The following KIF1A variants were observed in gnomAD, a reference collection of about 807,000 sequenced individuals.
KIF1A encodes kinesin family member 1A.
A neutral mutation model predicts 227.3 loss-of-function variants in KIF1A; 46 were observed. The observed-to-expected ratio is 0.20, with a 90% CI of 0.16 to 0.26. KIF1A has a LOEUF of 0.26. KIF1A is among the 10% of genes least tolerant of loss of function. The pLI is 1.00. For missense variants in KIF1A, 1,683 were observed against 2,485.9 expected, an observed-to-expected ratio of 0.68 and a Z score of 6.87; for synonymous variants, 1,022 against 1,012.8, an observed-to-expected ratio of 1.01 and a Z score of -0.17.
At chr2:240,742,596 G>A (rs533575178) in intron 34 of KIF1A, among the ~76,000 whole-genome samples, 1 of 152,082 alleles carries the variant, frequency 6.6e-6, no homozygotes, top group African/African-American at 2.4e-5. Context: ...CCGTGAAGGA[G>A]CGTCCTAGAT....
chr2:240,795,743 G>T (rs547342131), intron 2 of KIF1A, among the ~76,000 whole-genome samples: 2 of 152,188 alleles, frequency 1.3e-5, no homozygotes, highest in African/African-American at 4.8e-5. Flanking sequence ...GGTGCCACTC[G>T]CCCACCCTGG....
At position 240,743,965 on chromosome 2, in the gene KIF1A, C is replaced by T. The variant is rs375702153; in HGVS notation, c.3561G>A (p.Pro1187=). 48 of 1,613,176 alleles carry T rather than the reference C, an allele frequency of 3.0e-5. No homozygotes were observed. In the East Asian group the frequency reaches 6.7e-4, roughly 22 times the overall value. ...ACCTGAGCACGTCCTTGCAGAGGGG[C>T]GGGAACGGGTGCTGCTGGTAGTGGC... ...VFGHYQQHPF[P]PLCKDVLSPL... The change falls in exon 33 of 49, where the codon CCG becomes CCA. Residue 1187 remains proline, a synonymous_variant. Transcript: ENST00000498729.
chr2:240,734,972 C>A (rs913621354), intron 38 of KIF1A, among the ~76,000 whole-genome samples: 3 of 152,144 alleles, frequency 2.0e-5, no homozygotes, highest in Non-Finnish European at 4.4e-5. Flanking sequence ...AGCCTCCGCA[C>A]GTCAGGGAGA....
In KIF1A at chr2:240,720,897, G is replaced by T; in HGVS notation, c.4868+17C>A. On this transcript the variant is annotated intron_variant, in intron 45 of 48. Transcript: ENST00000498729. ...CGTGGTGCCAGAAGCCACTCCGGGAGCCTGGAGCTCACTCACCTCAGGTCA... is the reference window on the plus strand; with the variant it reads ...CGTGGTGCCAGAAGCCACTCCGGGATCCTGGAGCTCACTCACCTCAGGTCA... 6.5e-7 allele frequency: 1 copy of T among 1,545,956 alleles called. No homozygotes were observed. Among genetic ancestry groups the T allele is most frequent in the Non-Finnish European group, 8.8e-7 (1 of 1,139,662 alleles).
chr2:240,722,785 G>A, intron 42 of KIF1A, 129 bp from the exon 43 acceptor site: 1 of 700,564 alleles, frequency 1.4e-6, no homozygotes, highest in Non-Finnish European at 2.3e-6. Context: ...GGCTAAGACT[G>A]AAGACTGACA....
rs551660996 is a variant in KIF1A at position 240,750,367 on chromosome 2, G to A, written c.2977+62C>T. 16 of 1,289,638 alleles carry A rather than the reference G, an allele frequency of 1.2e-5. No individual in the cohort carries two copies. The South Asian group carries it at 1.6e-4, about 13-fold the overall frequency. 79.9% of individuals were successfully genotyped at this position (1,289,638 alleles called of 1,614,324 possible). The stretch of plus-strand genomic sequence containing the variant: ...CCTTCTTGGGCCCACGCCTCTGCCT[G>A]CAAAGGTCAGAGCCAGCCCCAGGGG... On this transcript the variant is annotated intron_variant, in intron 28 of 48. Transcript: ENST00000498729.
chr2:240,738,893 G>A (rs2047650300), intron 37 of KIF1A, among the ~76,000 whole-genome samples: 1 of 152,214 alleles, frequency 6.6e-6, no homozygotes, highest in African/African-American at 2.4e-5. Flanking sequence ...CAGAATGTGA[G>A]GGCAGTGCTG....
intron 32 of KIF1A, 140 bp from the exon 33 acceptor site, chr2:240,744,200 A>T (rs2048329081): frequency 3.1e-6 from 2 of 640,770 alleles, no homozygotes; most frequent in Non-Finnish European, 2.8e-6. Context: ...CAGGGGCAGC[A>T]GCCTCCTCTA....
At chr2:240,784,505 A>G (rs973172797) in intron 7 of KIF1A, among the ~76,000 whole-genome samples, 2 of 152,192 alleles carry the variant, frequency 1.3e-5, no homozygotes, top group African/African-American at 2.4e-5. Flanking sequence ...AGTCCCGGTC[A>G]GGAGGATGTG....
rs890140452 is a variant in KIF1A at position 240,720,811 on chromosome 2, C to T, written c.4868+103G>A. ...CTGTGGCCACCCCAAGGCACTCGGC[C>T]ATTGGGGCCCCCTGTTCTGTGCTCT... On this transcript the variant is annotated intron_variant, in intron 45 of 48. Transcript: ENST00000498729. The T allele has an allele frequency of 2.3e-5, 32 of 1,391,880 alleles. No individual in the cohort carries two copies. The African/African-American group carries it at 4.1e-4, about 18-fold the overall frequency. 86.2% of individuals were successfully genotyped at this position (1,391,880 alleles called of 1,614,324 possible).
At chr2:240,800,964 G>C (rs1285458159) in intron 1 of KIF1A, among the ~76,000 whole-genome samples, 1 of 151,528 alleles carries the variant, frequency 6.6e-6, no homozygotes, top group East Asian at 2.0e-4. Context: ...CTGCCTGGGA[G>C]AGAAAATGGA....
At position 240,781,675 on chromosome 2, in the gene KIF1A, C is replaced by T. The variant is rs1445542017; in HGVS notation, c.882+915G>A. The T allele has an allele frequency of 9.9e-6, 8 of 811,646 alleles. No homozygotes were observed. In the East Asian group the frequency reaches 8.7e-4, roughly 88 times the overall value. The allele number at this position is 811,646 out of a possible 1,614,324, so 50.3% of individuals were successfully genotyped here. On this transcript the variant is annotated intron_variant, in intron 10 of 48. Coordinates refer to ENST00000498729, the MANE Select transcript of KIF1A (RefSeq NM_001244008.2). ...CCACACACAATTCCCCACGCAGGTC[C>T]TCCGTCTCCCGCAGTCCCACGCAGT...
chr2:240,809,777 A>T (rs1207235678), intron 1 of KIF1A, among the ~76,000 whole-genome samples: 1 of 151,116 alleles, frequency 6.6e-6, no homozygotes, highest in Non-Finnish European at 1.5e-5. Context: ...CAAGAGAAAT[A>T]CCTAATGTAA....
intron 37 of KIF1A, chr2:240,737,639 C>G (rs2047500027): frequency 6.4e-6 from 1 of 155,462 alleles, no homozygotes; most frequent in South Asian, 2.0e-4. Context: ...AGAACACTTT[C>G]TGTGCCATAA....
chr2:240,713,806 G>C lies in KIF1A; in HGVS notation c.*3558C>G, dbSNP rs2044367244. Reference sequence around the variant, plus strand: ...GCCACATTTATTTCTTAATTGGACAGAGCCTCAAGTGCACGCACAGTACAG... The same window carrying C: ...GCCACATTTATTTCTTAATTGGACACAGCCTCAAGTGCACGCACAGTACAG... On this transcript the variant is annotated 3_prime_UTR_variant, in exon 49 of 49. Transcript: ENST00000498729. The C allele has an allele frequency of 6.5e-6, 1 of 152,808 alleles. No homozygotes were observed. The highest frequency in any genetic ancestry group is 2.4e-5 in the African/African-American group (1 of 41,464). 9.5% of individuals were successfully genotyped at this position (152,808 alleles called of 1,614,324 possible). A position where few individuals can be genotyped will look rare whatever the true frequency, so the allele number is the denominator to read the frequency against.
rs1226647694 is a variant in KIF1A at position 240,740,821 on chromosome 2, C to T, written c.3749+448G>A. Among the ~76,000 whole-genome samples the T allele has an allele frequency of 2.0e-5, 3 of 152,118 alleles. No individual in the cohort carries two copies. The highest frequency in any genetic ancestry group is 2.0e-4 in the Admixed American group (3 of 15,286). On this transcript the variant is annotated intron_variant, in intron 35 of 48. Transcript: ENST00000498729. This position sits in a 1 kb window ranked among gnomAD's most constrained non-coding sequence, Gnocchi z 6.1. ...CCCACTCTGAGCTGCCAGCCACAGC[C>T]CAGCTCCCAGCTGCCCCCAGGGCAC...
chr2:240,775,648 G>A lies in KIF1A; in HGVS notation c.958+203C>T, dbSNP rs543820829. ...CTGGGCTGTCCTGGTTCCCACACTC[G>A]CTTCGTTAACCCACTGCTGGCCGTT... On this transcript the variant is annotated intron_variant, in intron 11 of 48. Transcript: ENST00000498729. The surrounding 1 kb of genome is among the most constrained non-coding windows in gnomAD (Gnocchi z 5.5). Among the ~76,000 whole-genome samples the A allele has an allele frequency of 6.6e-6, 1 of 152,158 alleles. No individual in the cohort carries two copies. Among genetic ancestry groups the A allele is most frequent in the African/African-American group, 2.4e-5 (1 of 41,428 alleles).
rs368682964 is a variant in KIF1A at position 240,745,866 on chromosome 2, G to C, written c.3246C>G (p.Ala1082=). ...CAGCATCCAGGGGCCCATCCAGGGC[G>C]GCTTTCTCAGAGCTGTCTAGGAGGA... ...EGLLLDSSEK[A]ALDGPLDAAL... is the part of the protein sequence containing the mutation. The change falls in exon 31 of 49, where the codon GCC becomes GCG. Residue 1082 remains alanine (A), a synonymous_variant. Coordinates refer to ENST00000498729, the MANE Select transcript of KIF1A (RefSeq NM_001244008.2). 3 of 1,611,780 alleles carry C rather than the reference G, an allele frequency of 1.9e-6. No individual in the cohort carries two copies. Among genetic ancestry groups the C allele is most frequent in the Non-Finnish European group, 2.5e-6 (3 of 1,179,048 alleles).
At chr2:240,777,136 C>T (rs2052855290) in intron 10 of KIF1A, among the ~76,000 whole-genome samples, 1 of 152,164 alleles carries the variant, frequency 6.6e-6, no homozygotes, top group South Asian at 2.1e-4. Flanking sequence ...CTCCGCCTCC[C>T]GGGTTCAAGC....
Sources: allele counts gnomAD v4.1 joint callset (sites outside exome capture counted in the v4.1 genomes callset), GRCh38; gene constraint gnomAD v4.1.1; non-coding constraint Gnocchi (gnomAD v3.1); transcripts MANE v1.5; gene names NCBI Gene and HGNC (gene_info 2026-07-23, HGNC 2026-07-21).